NPAS2: variants seen among roughly 807,000 people sequenced by gnomAD.
NPAS2 encodes the protein neuronal PAS domain protein 2.
In NPAS2, 23 loss-of-function variants were observed where a neutral mutation model predicts 107.5. The observed-to-expected ratio is 0.21, with a 90% CI of 0.15 to 0.30. The LOEUF (loss-of-function observed/expected upper bound fraction) is 0.30. Among genes scored for constraint, NPAS2 ranks in the 10% least tolerant of loss-of-function variants. The probability of loss-of-function intolerance (pLI) is 1.00; values close to 1 mark genes in which losing one functional copy is unlikely to be tolerated. For missense variants in NPAS2, 756 were observed against 1,043.3 expected (o/e 0.72, Z 3.79); for synonymous variants, 403 against 417.5 (o/e 0.97, Z 0.42).
Position 100,964,852 on chromosome 2 carries a change from C to G in NPAS2, c.718-9C>G, listed in dbSNP as rs759570944. On this transcript the variant is annotated splice_polypyrimidine_tract_variant and intron_variant, in intron 8 of 20. Coordinates refer to ENST00000335681, the MANE Select transcript of NPAS2 (RefSeq NM_002518.4). ...AGCAACTTTTTTTTTTTTTCTGCTT[C>G]CAATACAGGAAATGTGCATAGTTGA... The G allele has an allele frequency of 6.4e-7, 1 of 1,554,238 alleles. No individual in the cohort carries two copies. The highest frequency in any genetic ancestry group is 1.2e-5 in the South Asian group (1 of 81,858).
intron 4 of NPAS2, among the ~76,000 whole-genome samples, chr2:100,937,146 T>A (rs189955931): frequency 6.6e-6 from 1 of 152,164 alleles, no homozygotes. Flanking sequence ...CATTCTGAAA[T>A]GCTTACGGAT....
At chr2:100,931,469 C>T (rs1000833580) in intron 3 of NPAS2, among the ~76,000 whole-genome samples, 2 of 147,280 alleles carry the variant, frequency 1.4e-5, no homozygotes, top group Non-Finnish European at 3.0e-5. Context: ...CAGGGTGATG[C>T]GCATAACTCA....
chr2:100,984,335 G>T (rs1014953513), intron 16 of NPAS2: 2 of 152,226 alleles, frequency 1.3e-5, no homozygotes, highest in East Asian at 1.9e-4. Flanking sequence ...TGTGATTCAA[G>T]TGTGAAGAAT....
chr2:100,948,068 A>G (rs370764797), intron 5 of NPAS2, among the ~76,000 whole-genome samples, 167 bp from the exon 6 acceptor site: 1 of 152,252 alleles, frequency 6.6e-6, no homozygotes, highest in African/African-American at 2.4e-5. Flanking sequence ...TTAGGTTACT[A>G]TTTAAAACAA....
intron 1 of NPAS2, among the ~76,000 whole-genome samples, chr2:100,888,910 A>T (rs775153829): frequency 4.1e-4 from 63 of 152,192 alleles, no homozygotes; most frequent in Non-Finnish European, 1.6e-4. Flanking sequence ...AACTGGGGCC[A>T]CTTCTTTAGA....
intron 1 of NPAS2, among the ~76,000 whole-genome samples, chr2:100,830,430 G>A (rs1412742033): frequency 8.6e-5 from 13 of 151,892 alleles, no homozygotes; most frequent in South Asian, 6.2e-4. Flanking sequence ...CCATTAACTC[G>A]TCATTTACAT....
intron 1 of NPAS2, among the ~76,000 whole-genome samples, chr2:100,868,366 G>C (rs562607014): frequency 6.6e-6 from 1 of 152,190 alleles, no homozygotes; most frequent in Non-Finnish European, 1.5e-5. Flanking sequence ...TGCCCATCCA[G>C]TTGCTGTTCC....
Position 100,936,979 on chromosome 2 carries a change from CAAAA to C in NPAS2, c.274-755_274-752del, listed in dbSNP as rs34968729. Among the ~76,000 whole-genome samples the C allele has an allele frequency of 1.6e-3, 119 of 74,642 alleles. 1 individual carries two copies. Among genetic ancestry groups the C allele is most frequent in the African/African-American group, 5.5e-3 (110 of 20,088 alleles). The allele number at this position is 74,642 out of a possible 152,430, so 49.0% of individuals were successfully genotyped here. On this transcript the variant is annotated intron_variant, in intron 4 of 20. Transcript: ENST00000335681. ...CCTGGGTGACAGTGAGACTCCATCT[CAAAA>C]AAAAAAAAAAAAAAAAAACCATGAG...
rs776120302 is a variant in NPAS2 at position 100,904,713 on chromosome 2, T to A, written c.-22-20T>A. The A allele has an allele frequency of 1.2e-5, 2 of 171,562 alleles. No homozygotes were observed. Among genetic ancestry groups the A allele is most frequent in the Non-Finnish European group, 1.8e-5 (2 of 109,484 alleles). 10.6% of individuals were successfully genotyped at this position (171,562 alleles called of 1,614,324 possible). On this transcript the variant is annotated intron_variant, in intron 1 of 20. Transcript: ENST00000335681. Reference sequence around the variant, plus strand: ...ACAGTAATTATCCATTCTTTTTAATTTTTTTTTTTTTTTTTGCAGGAAAAA... The same window carrying A: ...ACAGTAATTATCCATTCTTTTTAATATTTTTTTTTTTTTTTGCAGGAAAAA...
intron 3 of NPAS2, among the ~76,000 whole-genome samples, chr2:100,927,883 C>G (rs1203404843): frequency 1.3e-5 from 2 of 152,164 alleles, no homozygotes; most frequent in Admixed American, 6.5e-5. Context: ...AACCTATTAG[C>G]AAGCAGGAAG....
chr2:100,909,430 G>A (rs1258536934), intron 2 of NPAS2, among the ~76,000 whole-genome samples: 1 of 152,206 alleles, frequency 6.6e-6, no homozygotes, highest in African/African-American at 2.4e-5. Flanking sequence ...CGTTTCATTT[G>A]TACCATTTCT....
chr2:100,950,331 G>A (rs1675148329), intron 7 of NPAS2, among the ~76,000 whole-genome samples: 1 of 152,184 alleles, frequency 6.6e-6, no homozygotes, highest in Non-Finnish European at 1.5e-5. Flanking sequence ...GGAAAAAAGA[G>A]GAAATGAGAA....
chr2:100,869,900 C>CTTTTT (rs34489501), intron 1 of NPAS2, among the ~76,000 whole-genome samples: 3 of 82,476 alleles, frequency 3.6e-5, no homozygotes, highest in African/African-American at 8.7e-5. Flanking sequence ...CTCCTGACTT[C>CTTTTT]TTTTTTTTTT....
At chr2:100,934,403 G>A (rs1003029044) in intron 4 of NPAS2, among the ~76,000 whole-genome samples, 19 of 152,194 alleles carry the variant, frequency 1.2e-4, no homozygotes, top group African/African-American at 4.6e-4. Context: ...AAATTTCGGG[G>A]CTAGAAGACG....
intron 12 of NPAS2, 30 bp downstream of exon 12, chr2:100,971,104 C>G: frequency 6.3e-7 from 1 of 1,598,896 alleles, no homozygotes. Flanking sequence ...ATGGATACGG[C>G]AAAGGTTGGC....
At chr2:100,819,137 T>A (rs547506949), upstream of NPAS2, among the ~76,000 whole-genome samples, 9 of 147,662 alleles carry the variant, frequency 6.1e-5, no homozygotes, top group Non-Finnish European at 1.3e-4. The surrounding 1 kb of genome is among the most constrained non-coding windows in gnomAD (Gnocchi z 5.8). Context: ...CTCGCCTGTC[T>A]CCTCCCACAG....
chr2:100,949,057 C>T (rs532496866), intron 6 of NPAS2, among the ~76,000 whole-genome samples: 10 of 152,244 alleles, frequency 6.6e-5, no homozygotes, highest in African/African-American at 2.2e-4. Context: ...CTATATGAGC[C>T]GCTTTATTTT....
intron 5 of NPAS2, among the ~76,000 whole-genome samples, chr2:100,939,779 G>A (rs1315780628): frequency 1.3e-5 from 2 of 152,208 alleles, no homozygotes; most frequent in Non-Finnish European, 2.9e-5. Flanking sequence ...CCCAGTTGCT[G>A]TACGTGGCAG....
chr2:100,931,984 G>A (rs1037882024), intron 3 of NPAS2, among the ~76,000 whole-genome samples: 13 of 152,182 alleles, frequency 8.5e-5, no homozygotes, highest in African/African-American at 2.9e-4. Context: ...CATTCTCCAG[G>A]AAGTTGTTAA....
Sources: gnomAD v4.1 joint callset for allele counts (sites outside exome capture counted in the v4.1 genomes callset) on GRCh38, gnomAD v4.1.1 for gene constraint, Gnocchi (gnomAD v3.1) non-coding constraint, MANE v1.5 for transcripts, NCBI Gene and HGNC (gene_info 2026-07-23, HGNC 2026-07-21) for gene names.